The following PYY variants were observed in gnomAD, a reference collection of about 807,000 sequenced individuals.
PYY encodes the protein peptide YY.
In PYY, 12 loss-of-function variants were observed where a neutral mutation model predicts 10.3. That is an observed-to-expected ratio of 1.17 (90% CI 0.75 to 1.89). The LOEUF (loss-of-function observed/expected upper bound fraction) is 1.89, where lower values mean the gene tolerates loss of function less well. Ranked by LOEUF, PYY falls within the 40% of genes most tolerant of loss-of-function variation. The pLI, the probability that PYY is intolerant of heterozygous loss-of-function variation, is 0.00. For synonymous variants in PYY, 66 were observed against 62.0 expected (o/e 1.06, Z -0.30); for missense variants, 141 against 134.0 (o/e 1.05, Z -0.26).
rs867791418 is a variant in PYY at position 43,992,010 on chromosome 17, A to T, written c.-463+12381T>A. ...GGTGGCGGGCGCCTGTAGCCCAGCT[A>T]CTCAGGAGGCTGAGGCAGGAGAATG... On this transcript the variant is annotated intron_variant, in intron 1 of 6. Transcript: ENST00000360085. Among the ~76,000 whole-genome samples the T allele has an allele frequency of 6.0e-5, 9 of 150,626 alleles. No individual in the cohort carries two copies. In the East Asian group the frequency reaches 7.9e-4, roughly 13 times the overall value.
upstream of PYY, among the ~76,000 whole-genome samples, chr17:43,957,176 C>A (rs1054607884): frequency 7.3e-6 from 1 of 137,574 alleles, no homozygotes; most frequent in South Asian, 2.3e-4. Context: ...CCAGCCTGAG[C>A]GACAGAGTGA....
At chr17:43,972,474 C>A (rs2048801332) in intron 1 of PYY, among the ~76,000 whole-genome samples, 2 of 152,056 alleles carry the variant, frequency 1.3e-5, no homozygotes, top group Admixed American at 1.3e-4. Context: ...CCTCAGCCTC[C>A]CAAAGCACTG....
chr17:43,980,395 C>T (rs556703130), intron 1 of PYY, among the ~76,000 whole-genome samples: 2 of 151,960 alleles, frequency 1.3e-5, no homozygotes, highest in Non-Finnish European at 2.9e-5. Flanking sequence ...AACTCCTGAC[C>T]TCAGGTGATA....
chr17:43,962,353 ATACT>A (rs2048717763), intron 2 of PYY, among the ~76,000 whole-genome samples: 2 of 152,222 alleles, frequency 1.3e-5, no homozygotes, highest in Non-Finnish European at 2.9e-5. Flanking sequence ...AAAATTGTAT[ATACT>A]TAAAGTGTAC....
chr17:43,979,044 C>T (rs1567933323), intron 1 of PYY, among the ~76,000 whole-genome samples: 1 of 152,174 alleles, frequency 6.6e-6, no homozygotes, highest in Non-Finnish European at 1.5e-5. Flanking sequence ...GAGTGTCGCA[C>T]CTTAGGGAGC....
chr17:43,958,154 A>AAAAAAAAAAAAAAC (rs2048688088), upstream of PYY: 1 of 150,688 alleles, frequency 6.6e-6, no homozygotes, highest in Non-Finnish European at 1.5e-5. Flanking sequence ...AAAAAAAAAA[A>AAAAAAAAAAAAAAC]AAAGAATGGG....
intron 2 of PYY, among the ~76,000 whole-genome samples, chr17:43,961,509 A>C (rs2048712513): frequency 0.016 from 1 of 64 alleles, no homozygotes; most frequent in Non-Finnish European, 0.022. Flanking sequence ...CCTAGCTAGA[A>C]GGCCCTTGGC....
intron 1 of PYY, among the ~76,000 whole-genome samples, chr17:43,997,458 A>G (rs2048998957): frequency 6.6e-6 from 1 of 152,184 alleles, no homozygotes. Flanking sequence ...GGCAAAAGTA[A>G]TTGTACCTGA....
chr17:43,981,032 CT>C (rs916509814), intron 1 of PYY, among the ~76,000 whole-genome samples: 89 of 139,898 alleles, frequency 6.4e-4, no homozygotes, highest in Admixed American at 9.3e-4. Flanking sequence ...TTTTTTTTTT[CT>C]TTTTTTTTTT....
chr17:43,985,588 G>A (rs896329990), intron 1 of PYY, among the ~76,000 whole-genome samples: 14 of 152,220 alleles, frequency 9.2e-5, no homozygotes, highest in African/African-American at 3.1e-4. Flanking sequence ...GGCCTCACAG[G>A]AGGCTGGGTT....
rs1365902846 is a variant in PYY at position 43,976,454 on chromosome 17, CAT to C, written c.-462-9924_-462-9923del. On this transcript the variant is annotated intron_variant, in intron 1 of 6. Transcript: ENST00000360085. ...ATACACATATACATGTATACATATA[CAT>C]ATATATACACACACACACATATATA... Among the ~76,000 whole-genome samples the C allele has an allele frequency of 4.8e-5, 7 of 145,328 alleles. No individual in the cohort carries two copies. The East Asian group carries it at 9.7e-4, about 20-fold the overall frequency.
intron 1 of PYY, among the ~76,000 whole-genome samples, chr17:43,970,070 T>A (rs2048781007): frequency 6.6e-6 from 1 of 151,512 alleles, no homozygotes; most frequent in Non-Finnish European, 1.5e-5. Context: ...TTGGGCATGG[T>A]GGTGCCTGTA....
intron 2 of PYY, among the ~76,000 whole-genome samples, chr17:43,962,244 ACTC>A (rs2048717118): frequency 6.6e-6 from 1 of 151,496 alleles, no homozygotes; most frequent in Non-Finnish European, 1.5e-5. Flanking sequence ...GTACCCTCTC[ACTC>A]CTCTATTTCC....
intron 1 of PYY, among the ~76,000 whole-genome samples, chr17:43,999,891 G>A (rs2049014858): frequency 6.6e-6 from 1 of 152,228 alleles, no homozygotes; most frequent in Non-Finnish European, 1.5e-5. Context: ...CAGGAGGAAG[G>A]AAGGGATGGG....
intron 1 of PYY, chr17:44,004,249 CCTT>C (rs2049053769): frequency 6.5e-6 from 1 of 154,858 alleles, no homozygotes; most frequent in African/African-American, 2.5e-5. Context: ...CCACTGCCCC[CCTT>C]CTTCTACTCT....
chr17:44,001,997 A>C (rs2049030620), intron 1 of PYY, among the ~76,000 whole-genome samples: 1 of 152,108 alleles, frequency 6.6e-6, no homozygotes, highest in African/African-American at 2.4e-5. Flanking sequence ...GATTCTGAGA[A>C]GTGTGTGTGT....
chr17:43,995,879 C>T (rs1030497366), intron 1 of PYY, among the ~76,000 whole-genome samples: 2 of 145,016 alleles, frequency 1.4e-5, no homozygotes, highest in Non-Finnish European at 3.0e-5. Flanking sequence ...ATGCAGGCGG[C>T]GACAGTGGCT....
chr17:43,969,972 G>C (rs2048779981), intron 1 of PYY, among the ~76,000 whole-genome samples: 2 of 151,704 alleles, frequency 1.3e-5, no homozygotes, highest in Non-Finnish European at 2.9e-5. Context: ...TTGAACTCCT[G>C]ACCTCATGAT....
intron 2 of PYY, among the ~76,000 whole-genome samples, chr17:43,962,515 G>A (rs145756602): frequency 4.6e-5 from 7 of 152,254 alleles, no homozygotes; most frequent in African/African-American, 1.7e-4. Flanking sequence ...ATTAACTATA[G>A]TCACCATGCT....
Sources: allele counts gnomAD v4.1 joint callset (sites outside exome capture counted in the v4.1 genomes callset), GRCh38; gene constraint gnomAD v4.1.1; transcripts MANE v1.5; gene names NCBI Gene and HGNC (gene_info 2026-07-23, HGNC 2026-07-21).